Variants in BCAT1 observed in about 807,000 individuals in gnomAD.
BCAT1 encodes branched-chain-amino-acid aminotransferase, cytosolic.
A neutral mutation model predicts 52.4 loss-of-function variants in BCAT1; 48 were observed. That is an observed-to-expected ratio of 0.92 (90% CI 0.73 to 1.16). The LOEUF (loss-of-function observed/expected upper bound fraction) is 1.16, where lower values mean the gene tolerates loss of function less well. Ranked by LOEUF, BCAT1 falls within the 50% of genes most tolerant of loss-of-function variation. BCAT1 has a pLI of 0.00. For synonymous variants in BCAT1, 167 were observed against 161.3 expected, an observed-to-expected ratio of 1.04 and a Z score of -0.27; for missense variants, 451 against 457.1, an observed-to-expected ratio of 0.99 and a Z score of 0.12.
intron 5 of BCAT1, among the ~76,000 whole-genome samples, chr12:24,871,805 T>C (rs1322350351): frequency 1.3e-5 from 2 of 152,134 alleles, no homozygotes; most frequent in Non-Finnish European, 2.9e-5. Context: ...CAGATAATAA[T>C]AAGCTGATTA....
At chr12:24,822,557 AACAG>A (rs1392738994) in intron 10 of BCAT1, among the ~76,000 whole-genome samples, 3 of 152,250 alleles carry the variant, frequency 2.0e-5, no homozygotes, top group African/African-American at 7.2e-5. Flanking sequence ...TTCTTGGAGA[AACAG>A]ACAATCTAGG....
chr12:24,914,112 C>G (rs1383091082), intron 1 of BCAT1, among the ~76,000 whole-genome samples: 1 of 147,856 alleles, frequency 6.8e-6, no homozygotes, highest in Non-Finnish European at 1.5e-5. Flanking sequence ...GATGGGGTCT[C>G]ACTGTATTGC....
chr12:24,914,243 G>A (rs1172193530), intron 1 of BCAT1, among the ~76,000 whole-genome samples: 1 of 151,940 alleles, frequency 6.6e-6, no homozygotes, highest in African/African-American at 2.4e-5. Flanking sequence ...TACTATGCCC[G>A]GCTAATTTTT....
At chr12:24,881,998 G>A (rs1170962378) in intron 3 of BCAT1, among the ~76,000 whole-genome samples, 1 of 152,184 alleles carries the variant, frequency 6.6e-6, no homozygotes, top group Non-Finnish European at 1.5e-5. Context: ...AAAGACTTCA[G>A]TAGATACATA....
chr12:24,836,015 G>T (rs1223364298), intron 8 of BCAT1, among the ~76,000 whole-genome samples: 1 of 152,194 alleles, frequency 6.6e-6, no homozygotes, highest in Admixed American at 6.5e-5. Context: ...GAGGATGGGG[G>T]TAGGACAGAG....
chr12:24,848,311 T>C (rs2139458158), intron 6 of BCAT1, among the ~76,000 whole-genome samples: 1 of 152,330 alleles, frequency 6.6e-6, no homozygotes, highest in Middle Eastern at 3.4e-3. Context: ...TCAGTTTTTC[T>C]TCTTATTATC....
chr12:24,850,175 T>G (rs1428064453), intron 5 of BCAT1, among the ~76,000 whole-genome samples: 5 of 152,194 alleles, frequency 3.3e-5, no homozygotes, highest in African/African-American at 4.8e-5. Context: ...TTGTTAGGAT[T>G]TTAGCAAAAA....
intron 3 of BCAT1, among the ~76,000 whole-genome samples, chr12:24,886,003 C>T (rs1295772320): frequency 1.3e-5 from 2 of 152,022 alleles, no homozygotes; most frequent in Non-Finnish European, 2.9e-5. Flanking sequence ...GACAAAACTG[C>T]CTTTAATTTA....
chr12:24,887,061 TAAAA>T (rs1171691492), intron 3 of BCAT1, among the ~76,000 whole-genome samples: 2 of 7,590 alleles, frequency 2.6e-4, no homozygotes, highest in Non-Finnish European at 4.1e-4. Flanking sequence ...AGATGCTAGC[TAAAA>T]AAAAAAAAAA....
Position 24,901,964 on chromosome 12 carries a change from A to G in BCAT1, c.7-79T>C, listed in dbSNP as rs748890994. On this transcript the variant is annotated intron_variant, in intron 1 of 10. Coordinates refer to ENST00000261192, the MANE Select transcript of BCAT1 (RefSeq NM_005504.7). The stretch of plus-strand genomic sequence containing the variant: ...CGGGGTAACCTACGTGACGCTCACC[A>G]TGATACCGTGCGCTCCTCTCCAGGA... The G allele has an allele frequency of 7.4e-6, 12 of 1,611,218 alleles. No individual in the cohort carries two copies. In the African/African-American group the frequency reaches 1.1e-4, roughly 14 times the overall value.
At chr12:24,948,808 T>C in intron 1 of BCAT1, 119 bp downstream of exon 1, 1 of 1,094,016 alleles carries the variant, frequency 9.1e-7, no homozygotes, top group Non-Finnish European at 1.4e-6. Context: ...TTGCGGGGGA[T>C]ATAAGCCATG....
At chr12:24,836,945 AGAAAGAAAGAAAAGAG>A (rs779769700) in intron 7 of BCAT1, among the ~76,000 whole-genome samples, 2,516 of 124,376 alleles carry the variant, frequency 0.02, 118 homozygotes, top group Non-Finnish European at 0.032. Flanking sequence ...AAAGAAAGAA[AGAAAGAAAGAAAAGAG>A]AAAGAAAGAA....
chr12:24,943,354 G>A lies in BCAT1; in HGVS notation c.6+5573C>T, dbSNP rs560342182. 9.2e-5 allele frequency among the ~76,000 whole-genome samples: 14 copies of A among 151,988 alleles called. No individual in the cohort carries two copies. In the South Asian group the frequency reaches 1.0e-3, roughly 11 times the overall value. On this transcript the variant is annotated intron_variant, in intron 1 of 10. Transcript: ENST00000261192. ...CAAAAAATACAAAAATTCACCGGGC[G>A]TGGTGGCACATGCCTGTGGTCCCAG...
intron 5 of BCAT1, among the ~76,000 whole-genome samples, chr12:24,859,925 T>C (rs1054562305): frequency 6.6e-6 from 1 of 152,102 alleles, no homozygotes; most frequent in African/African-American, 2.4e-5. Flanking sequence ...GAGTTGTATT[T>C]GTATAAATAT....
Position 24,842,207 on chromosome 12 carries a change from A to G in BCAT1, c.692T>C (p.Leu231Pro). 1 of 1,613,938 alleles carries G rather than the reference A, an allele frequency of 6.2e-7. No individual in the cohort carries two copies. The highest frequency in any genetic ancestry group is 1.7e-5 in the Admixed American group (1 of 60,026). Reference protein sequence around the residue: ...CKMGGNYGSSLFAQCEAVDNG... With the variant: ...CKMGGNYGSSPFAQCEAVDNG... ...ATCTACTGCTTCACATTGGGCAAAAAGAGATGAGCCGTAATTCCTTTAAGA... is the reference window on the plus strand; with the variant it reads ...ATCTACTGCTTCACATTGGGCAAAAGGAGATGAGCCGTAATTCCTTTAAGA... Residue 231 changes from leucine (L) to proline (P), a missense_variant, in exon 7 of 11, where the codon CTT (leucine) becomes CCT (proline). Coordinates refer to ENST00000261192, the MANE Select transcript of BCAT1 (RefSeq NM_005504.7).
chr12:24,935,091 AG>A (rs1943733300), intron 1 of BCAT1, among the ~76,000 whole-genome samples: 1 of 152,168 alleles, frequency 6.6e-6, no homozygotes, highest in Non-Finnish European at 1.5e-5. Context: ...TCTGTGCCCA[AG>A]GTGAAATGGA....
intron 6 of BCAT1, among the ~76,000 whole-genome samples, chr12:24,842,743 C>T (rs1230161597): frequency 6.6e-6 from 1 of 152,072 alleles, no homozygotes; most frequent in Non-Finnish European, 1.5e-5. Context: ...TGCCCAATGT[C>T]TAAATTCCCC....
chr12:24,834,805 G>T, intron 8 of BCAT1: 1 of 1,146,838 alleles, frequency 8.7e-7, no homozygotes, highest in Non-Finnish European at 1.1e-6. Context: ...TGAGTTCTGT[G>T]TCCTGAAAAA....
intron 6 of BCAT1, among the ~76,000 whole-genome samples, chr12:24,842,715 T>C (rs1219629904): frequency 6.6e-6 from 1 of 152,168 alleles, no homozygotes; most frequent in Non-Finnish European, 1.5e-5. Context: ...CCTTTTAATG[T>C]ATCCAAGGAA....
Sources: gnomAD v4.1 joint callset for allele counts (sites outside exome capture counted in the v4.1 genomes callset) on GRCh38, gnomAD v4.1.1 for gene constraint, MANE v1.5 for transcripts, NCBI Gene and HGNC (gene_info 2026-07-23, HGNC 2026-07-21) for gene names.